The following SORCS3 variants were observed in gnomAD, a reference collection of about 807,000 sequenced individuals.
The protein encoded by SORCS3 is VPS10 domain-containing receptor SorCS3.
In SORCS3, 57 loss-of-function variants were observed where a neutral mutation model predicts 146.3. The observed-to-expected ratio is 0.39, with a 90% confidence interval of 0.31 to 0.49. SORCS3 has a LOEUF of 0.49. SORCS3 is among the 20% of genes least tolerant of loss of function. The pLI, the probability that SORCS3 is intolerant of heterozygous loss-of-function variation, is 0.92. For synonymous variants in SORCS3, 653 were observed against 618.5 expected (o/e 1.06, Z -0.83); for missense variants, 1,341 against 1,575.5 (o/e 0.85, Z 2.52).
At chr10:104,784,914 C>T (rs886924575) in intron 1 of SORCS3, among the ~76,000 whole-genome samples, 6 of 152,112 alleles carry the variant, frequency 3.9e-5, no homozygotes, top group African/African-American at 1.4e-4. Flanking sequence ...CTTGCTATTC[C>T]ACAAAGCCGC....
At chr10:105,159,364 C>G (rs2056242398) in intron 11 of SORCS3, among the ~76,000 whole-genome samples, 1 of 152,218 alleles carries the variant, frequency 6.6e-6, no homozygotes, top group Non-Finnish European at 1.5e-5. Flanking sequence ...GGGTAGTTTT[C>G]TCTTTGAACA....
Position 105,201,155 on chromosome 10 carries a change from C to T in SORCS3, c.2163C>T (p.Phe721=). The T allele has an allele frequency of 6.2e-7, 1 of 1,612,952 alleles. No individual in the cohort carries two copies. The highest frequency in any genetic ancestry group is 8.5e-7 in the Non-Finnish European group (1 of 1,179,410). ...GTGTCATGGGAGAAAGGAAAATATT[C>T]AAGAAACGTAAGCCAGGAGCTCAGT... ...EPCVMGERKI[F]KKRKPGAQCA... The change falls in exon 16 of 27, where the codon TTC becomes TTT. Residue 721 remains phenylalanine, a synonymous_variant. Transcript: ENST00000369701.
intron 5 of SORCS3, among the ~76,000 whole-genome samples, chr10:105,074,590 G>A (rs559608204): frequency 1.3e-5 from 2 of 152,308 alleles, no homozygotes; most frequent in South Asian, 4.2e-4. Flanking sequence ...TCTAGCTATC[G>A]TTACATTACC....
chr10:104,727,678 C>A (rs75282214), intron 1 of SORCS3, among the ~76,000 whole-genome samples: 1,847 of 152,056 alleles, frequency 0.012, 43 homozygotes, highest in African/African-American at 0.042. Context: ...AACCCCTGGG[C>A]TGTAGACCAG....
chr10:104,648,459 C>G (rs2015520061), intron 1 of SORCS3, among the ~76,000 whole-genome samples: 1 of 152,076 alleles, frequency 6.6e-6, no homozygotes, highest in African/African-American at 2.4e-5. Context: ...GATTGAGGCC[C>G]CAGGATGGGT....
In SORCS3 at chr10:105,245,666, G is replaced by A. The variant is rs2056861360; in HGVS notation, c.2992+1G>A. ...GACACAAAAGAGATTGCAGTTCATG[G>A]TAAGCCCTGAAAATTGTTCTGTGAT... On this transcript the variant is annotated splice_donor_variant, in intron 21 of 26. Coordinates refer to ENST00000369701, the MANE Select transcript of SORCS3 (RefSeq NM_014978.3). LOFTEE classifies it high-confidence loss of function. The A allele has an allele frequency of 1.2e-6, 2 of 1,613,782 alleles. No homozygotes were observed. Among genetic ancestry groups the A allele is most frequent in the African/African-American group, 2.7e-5 (2 of 74,874 alleles).
At chr10:105,183,172 G>C (rs558086493) in intron 14 of SORCS3, among the ~76,000 whole-genome samples, 1 of 152,320 alleles carries the variant, frequency 6.6e-6, no homozygotes, top group Admixed American at 6.5e-5. Flanking sequence ...GACAGTAGAG[G>C]AAAGTGAGAG....
At chr10:104,987,233 G>A (rs555496727) in intron 4 of SORCS3, among the ~76,000 whole-genome samples, 1 of 152,206 alleles carries the variant, frequency 6.6e-6, no homozygotes, top group East Asian at 1.9e-4. Flanking sequence ...AAAAAGGAAT[G>A]AGGGAGAAAA....
chr10:104,988,363 G>C (rs574362041), intron 4 of SORCS3, among the ~76,000 whole-genome samples: 6 of 152,150 alleles, frequency 3.9e-5, no homozygotes, highest in Non-Finnish European at 8.8e-5. Context: ...TGAATCCAGT[G>C]GTTCTTATGG....
chr10:104,880,782 A>G (rs902894136), intron 2 of SORCS3, among the ~76,000 whole-genome samples: 1 of 152,162 alleles, frequency 6.6e-6, no homozygotes, highest in African/African-American at 2.4e-5. Context: ...CAATGCAGAT[A>G]AGCACAGAGG....
chr10:105,155,042 G>A (rs7898866), intron 9 of SORCS3, among the ~76,000 whole-genome samples: 67,605 of 152,016 alleles, frequency 0.44, 16,048 homozygotes, highest in Non-Finnish European at 0.53. Context: ...TGCAGGAGAA[G>A]CATCCTCACA....
chr10:105,257,972 T>C (rs2056940864), intron 25 of SORCS3, among the ~76,000 whole-genome samples: 1 of 152,168 alleles, frequency 6.6e-6, no homozygotes, highest in Non-Finnish European at 1.5e-5. Flanking sequence ...AAGCCTCCTT[T>C]AGTCCTGGAG....
chr10:104,783,891 A>G (rs1352211386), intron 1 of SORCS3, among the ~76,000 whole-genome samples: 8 of 152,192 alleles, frequency 5.3e-5, no homozygotes, highest in Non-Finnish European at 2.9e-5. Flanking sequence ...TGCCTTACAC[A>G]AGTGTTTCCA....
intron 5 of SORCS3, among the ~76,000 whole-genome samples, chr10:105,080,504 A>G (rs1007749798): frequency 1.3e-5 from 2 of 151,744 alleles, no homozygotes; most frequent in Admixed American, 6.6e-5. Flanking sequence ...TGTTTATTCT[A>G]TTGATAGATT....
intron 1 of SORCS3, among the ~76,000 whole-genome samples, chr10:104,693,254 T>C (rs1047540131): frequency 1.1e-4 from 16 of 152,100 alleles, no homozygotes; most frequent in African/African-American, 3.6e-4. Flanking sequence ...AGCTCCAGTG[T>C]ATGGAATGGA....
intron 1 of SORCS3, among the ~76,000 whole-genome samples, chr10:104,673,562 C>A (rs1320956515): frequency 5.3e-5 from 8 of 151,932 alleles, no homozygotes; most frequent in Non-Finnish European, 7.4e-5. Context: ...TTCCTGGGGA[C>A]AAGTGATCCT....
chr10:105,150,659 T>C (rs1564767747), intron 9 of SORCS3, among the ~76,000 whole-genome samples: 1 of 152,172 alleles, frequency 6.6e-6, no homozygotes, highest in African/African-American at 2.4e-5. Flanking sequence ...GAGGGCTGGA[T>C]AAATAGCTGA....
At chr10:104,642,543 C>T (rs1215075271) in intron 1 of SORCS3, among the ~76,000 whole-genome samples, 1 of 152,080 alleles carries the variant, frequency 6.6e-6, no homozygotes, top group African/African-American at 2.4e-5. Flanking sequence ...CCTTGGCCTT[C>T]AGGTAACCCC....
chr10:105,194,724 G>A (rs975775591), intron 14 of SORCS3, among the ~76,000 whole-genome samples: 3 of 152,110 alleles, frequency 2.0e-5, no homozygotes, highest in Non-Finnish European at 4.4e-5. Context: ...CCAGGCTTAA[G>A]AAGCTTTTTA....
Sources: gnomAD v4.1 joint callset for allele counts (sites outside exome capture counted in the v4.1 genomes callset) on GRCh38, gnomAD v4.1.1 for gene constraint, MANE v1.5 for transcripts, NCBI Gene and HGNC (gene_info 2026-07-23, HGNC 2026-07-21) for gene names.